Variants in PTPRA observed in about 807,000 individuals in gnomAD.
PTPRA encodes the protein protein tyrosine phosphatase receptor type A.
Under a neutral mutation model 104.8 loss-of-function variants are expected in PTPRA, and 25 were observed. The observed-to-expected ratio is 0.24, with a 90% CI of 0.17 to 0.33. The LOEUF (loss-of-function observed/expected upper bound fraction) is 0.33. PTPRA is among the 10% of genes least tolerant of loss of function. The probability of loss-of-function intolerance (pLI) is 1.00; values close to 1 mark genes in which losing one functional copy is unlikely to be tolerated. For missense variants in PTPRA, 765 were observed against 1,015.3 expected (o/e 0.75, Z 3.35); for synonymous variants, 323 against 368.9 (o/e 0.88, Z 1.43).
chr20:2,947,307 G>A (rs180846234), intron 2 of PTPRA, among the ~76,000 whole-genome samples: 7 of 152,186 alleles, frequency 4.6e-5, no homozygotes, highest in East Asian at 3.9e-4. Flanking sequence ...ATTTCTCAGC[G>A]CCTTGTATTT....
intron 1 of PTPRA, among the ~76,000 whole-genome samples, chr20:2,889,566 G>A (rs1330957074): frequency 6.6e-6 from 1 of 152,068 alleles, no homozygotes; most frequent in Non-Finnish European, 1.5e-5. Context: ...TAAACTTAAC[G>A]CAAAAGTACT....
intron 19 of PTPRA, 60 bp from the exon 20 acceptor site, chr20:3,027,647 C>T (rs1347775431): frequency 6.3e-7 from 1 of 1,578,376 alleles, no homozygotes; most frequent in Non-Finnish European, 8.6e-7. Context: ...GGTCTGTCTT[C>T]TCCACTAGTC....
intron 9 of PTPRA, among the ~76,000 whole-genome samples, chr20:3,002,807 A>T (rs1021505194): frequency 6.6e-6 from 1 of 152,178 alleles, no homozygotes; most frequent in Non-Finnish European, 1.5e-5. Context: ...TTATGCACTT[A>T]ACATAAAATT....
chr20:2,897,983 G>C (rs1205458260), intron 1 of PTPRA, among the ~76,000 whole-genome samples: 5 of 132,738 alleles, frequency 3.8e-5, no homozygotes, highest in African/African-American at 1.4e-4. Context: ...CGTGCTCTTT[G>C]TTCACTGCAA....
chr20:3,033,398 C>G (rs889976870), intron 20 of PTPRA, among the ~76,000 whole-genome samples: 1 of 151,956 alleles, frequency 6.6e-6, no homozygotes, highest in Non-Finnish European at 1.5e-5. Context: ...AGCCTCCCCA[C>G]TTTTCTCCAG....
intron 2 of PTPRA, among the ~76,000 whole-genome samples, chr20:2,928,311 A>G (rs1159579029): frequency 6.6e-6 from 1 of 151,722 alleles, no homozygotes; most frequent in Non-Finnish European, 1.5e-5. Flanking sequence ...AATTTTTTGT[A>G]TTTTTAGTAG....
intron 1 of PTPRA, among the ~76,000 whole-genome samples, chr20:2,892,600 G>A (rs1265915832): frequency 6.6e-6 from 1 of 152,192 alleles, no homozygotes. Context: ...GGTGTACTGT[G>A]TTGCCAGGTG....
At chr20:2,869,666 A>C (rs1256443240), upstream of PTPRA, among the ~76,000 whole-genome samples, 2 of 152,212 alleles carry the variant, frequency 1.3e-5, no homozygotes, top group African/African-American at 2.4e-5. Flanking sequence ...TAGCCAGTGC[A>C]GGGAGAATCA....
chr20:3,026,233 G>A (rs901680547), intron 17 of PTPRA, among the ~76,000 whole-genome samples: 2 of 151,956 alleles, frequency 1.3e-5, no homozygotes, highest in African/African-American at 4.8e-5. Context: ...CACCACGCCC[G>A]GCTTGAGATT....
At chr20:2,865,225 G>C in the PTPRA span, 1 of 1,614,162 alleles carries the variant, frequency 6.2e-7, no homozygotes, top group Non-Finnish European at 8.5e-7. The surrounding 1 kb of genome is among the most constrained non-coding windows in gnomAD (Gnocchi z 5.2). Flanking sequence ...TCCTAGACCT[G>C]TCTCTACATG....
intron 1 of PTPRA, among the ~76,000 whole-genome samples, chr20:2,907,213 G>T (rs1274700610): frequency 1.3e-5 from 2 of 151,960 alleles, no homozygotes; most frequent in Non-Finnish European, 2.9e-5. Context: ...TATAAAATTA[G>T]CAAAAGCTAA....
At chr20:2,943,791 G>A (rs1198607341) in intron 2 of PTPRA, among the ~76,000 whole-genome samples, 1 of 152,064 alleles carries the variant, frequency 6.6e-6, no homozygotes, top group Non-Finnish European at 1.5e-5. Flanking sequence ...AGATTATTTG[G>A]TTGATGTTTA....
chr20:2,917,665 G>C (rs1311107396), intron 1 of PTPRA, among the ~76,000 whole-genome samples: 1 of 152,070 alleles, frequency 6.6e-6, no homozygotes, highest in Non-Finnish European at 1.5e-5. Flanking sequence ...CTAGATTGCT[G>C]TTTTACTAGA....
At chr20:2,943,213 A>ACC (rs61061739) in intron 2 of PTPRA, among the ~76,000 whole-genome samples, 13,456 of 115,942 alleles carry the variant, frequency 0.12, 735 homozygotes, top group East Asian at 0.23. Context: ...ATATCCCCCC[A>ACC]CCCCCCCCCC....
At position 2,959,434 on chromosome 20, in the gene PTPRA, G is replaced by A. The variant is rs566142256; in HGVS notation, c.-6-4838G>A. Among the ~76,000 whole-genome samples the A allele has an allele frequency of 3.9e-5, 6 of 151,988 alleles. No homozygotes were observed. The South Asian group carries it at 6.2e-4, about 16-fold the overall frequency. ...TCTTTGTGTATTTTCTTAGCTGTTC[G>A]TTTTTCTCGTCTGTAAATTATCTGT... On this transcript the variant is annotated intron_variant, in intron 3 of 23. Transcript: ENST00000399903.
chr20:2,964,289 G>T lies in PTPRA; in HGVS notation c.12G>T (p.Trp4Cys), dbSNP rs758310508. ...TTTTCCAGATAAGCATGGATTCCTG[G>T]TTCATTCTTGTTCTGCTCGGCAGTG... Reference protein sequence around the residue: MDSWFILVLLGSGL... With the variant: MDSCFILVLLGSGL... The change falls in exon 4 of 24, where the codon TGG becomes TGT. Residue 4 changes from tryptophan (W) to cysteine (C), a missense_variant. Trp to Cys is a radical substitution (Grantham distance 215). This residue lies in a region of PTPRA where 256 missense variants were observed against 248.9 expected (regional missense o/e 1.03). Coordinates refer to ENST00000399903, the MANE Select transcript of PTPRA (RefSeq NM_001385305.1). The T allele has an allele frequency of 7.5e-6, 12 of 1,610,086 alleles. 1 individual carries two copies. Among genetic ancestry groups the T allele is most frequent in the Non-Finnish European group, 5.1e-6 (6 of 1,178,458 alleles).
intron 1 of PTPRA, among the ~76,000 whole-genome samples, chr20:2,904,307 A>T (rs1371836446): frequency 1.3e-5 from 2 of 152,192 alleles, no homozygotes; most frequent in African/African-American, 4.8e-5. Context: ...GAGAGAGTGC[A>T]AATTAACGAG....
intron 1 of PTPRA, among the ~76,000 whole-genome samples, chr20:2,914,065 T>TA (rs2147261412): frequency 6.6e-6 from 1 of 152,356 alleles, no homozygotes; most frequent in East Asian, 1.9e-4. Flanking sequence ...TTCAATAAGT[T>TA]ATCTATTAGT....
At chr20:2,992,891 A>G (rs533867030) in intron 9 of PTPRA, among the ~76,000 whole-genome samples, 1 of 152,270 alleles carries the variant, frequency 6.6e-6, no homozygotes, top group East Asian at 1.9e-4. Context: ...CCAGGAGCTC[A>G]AGACCAGCCT....
Sources: allele counts gnomAD v4.1 joint callset (sites outside exome capture counted in the v4.1 genomes callset), GRCh38; gene constraint gnomAD v4.1.1; regional missense constraint gnomAD v4.1.1; non-coding constraint Gnocchi (gnomAD v3.1); transcripts MANE v1.5; gene names NCBI Gene and HGNC (gene_info 2026-07-23, HGNC 2026-07-21).